The following PTPRJ variants were observed in gnomAD, a reference collection of about 807,000 sequenced individuals.
The protein encoded by PTPRJ is protein tyrosine phosphatase receptor type J, also known as receptor-type tyrosine-protein phosphatase eta.
PTPRJ carries 129 observed loss-of-function variants against 141.3 expected under a neutral mutation model. The ratio of observed to expected loss-of-function variants is 0.91; its 90% CI spans 0.79 to 1.06. The LOEUF is 1.06. Ranked by LOEUF, PTPRJ falls within the 50% of genes least tolerant of loss-of-function variation. PTPRJ has a pLI of 0.00. For synonymous variants in PTPRJ, 610 were observed against 640.5 expected (o/e 0.95, Z 0.72); for missense variants, 1,601 against 1,679.7 (o/e 0.95, Z 0.82).
chr11:48,035,006 C>T (rs535592283), intron 1 of PTPRJ, among the ~76,000 whole-genome samples: 9 of 152,314 alleles, frequency 5.9e-5, no homozygotes, highest in Non-Finnish European at 1.2e-4. Context: ...AGGAGTGGAG[C>T]CAGAATTCAA....
chr11:48,077,420 T>C (rs1418538335), intron 1 of PTPRJ, among the ~76,000 whole-genome samples: 1 of 152,120 alleles, frequency 6.6e-6, no homozygotes, highest in East Asian at 1.9e-4. Flanking sequence ...CATGGACCCT[T>C]TGATGCTCTT....
In PTPRJ at chr11:48,123,882, A is replaced by AG; in HGVS notation, c.874+15dup. 6.2e-7 allele frequency: 1 copy of AG among 1,611,682 alleles called. No individual in the cohort carries two copies. The highest frequency in any genetic ancestry group is 8.5e-7 in the Non-Finnish European group (1 of 1,178,264). Reference sequence around the variant, plus strand: ...AGAAGGTGGCTTGGGTGAGTTACAAAGGGTACCTTCCGTCTCCCTTACTGG... The same window carrying AG: ...AGAAGGTGGCTTGGGTGAGTTACAAAGGGGTACCTTCCGTCTCCCTTACTGG... On this transcript the variant is annotated intron_variant, in intron 5 of 24. Transcript: ENST00000418331.
chr11:48,053,734 G>T (rs1395059122), intron 1 of PTPRJ, among the ~76,000 whole-genome samples: 2 of 149,740 alleles, frequency 1.3e-5, no homozygotes, highest in Admixed American at 1.4e-4. Context: ...GTGCCACCAT[G>T]CCTGGATAAT....
At chr11:48,026,544 C>T (rs988889586) in intron 1 of PTPRJ, among the ~76,000 whole-genome samples, 3 of 150,770 alleles carry the variant, frequency 2.0e-5, no homozygotes, top group East Asian at 1.9e-4. Context: ...TGCAATGGTG[C>T]GATCTTGGCT....
chr11:48,095,639 G>T (rs1464956507), intron 1 of PTPRJ, among the ~76,000 whole-genome samples: 1 of 151,074 alleles, frequency 6.6e-6, no homozygotes, highest in Non-Finnish European at 1.5e-5. Flanking sequence ...GAGTGCAGTG[G>T]CATGATCTCA....
chr11:48,040,609 C>CTTTTTTTTTTTTTT (rs371103069), intron 1 of PTPRJ, among the ~76,000 whole-genome samples: 1 of 146,042 alleles, frequency 6.8e-6, no homozygotes, highest in African/African-American at 2.7e-5. Context: ...TCTTCTTCTT[C>CTTTTTTTTTTTTTT]TTCTTTTTTT....
intron 1 of PTPRJ, among the ~76,000 whole-genome samples, chr11:48,013,949 C>G (rs899097689): frequency 1.3e-5 from 2 of 152,148 alleles, no homozygotes; most frequent in Admixed American, 6.6e-5. Context: ...TTGGGCAGAG[C>G]AGGTGGGTTC....
intron 1 of PTPRJ, among the ~76,000 whole-genome samples, chr11:48,024,010 T>C (rs1853735688): frequency 6.6e-6 from 1 of 151,554 alleles, no homozygotes; most frequent in Non-Finnish European, 1.5e-5. Flanking sequence ...TAAAAATATA[T>C]ATAAAAAAAG....
At chr11:48,054,979 G>A (rs531912966) in intron 1 of PTPRJ, among the ~76,000 whole-genome samples, 2 of 152,080 alleles carry the variant, frequency 1.3e-5, no homozygotes, top group South Asian at 4.1e-4. Context: ...GAGTCTAGGA[G>A]TTCAAGACCA....
At chr11:48,018,412 G>C (rs1011846133) in intron 1 of PTPRJ, among the ~76,000 whole-genome samples, 10 of 152,182 alleles carry the variant, frequency 6.6e-5, no homozygotes, top group Non-Finnish European at 1.3e-4. Flanking sequence ...GCTGTGAGTG[G>C]TGTGAAGCCC....
chr11:48,057,413 TA>T (rs1360903666), intron 1 of PTPRJ, among the ~76,000 whole-genome samples: 2 of 152,194 alleles, frequency 1.3e-5, no homozygotes, highest in African/African-American at 4.8e-5. Context: ...GAGATGAGAA[TA>T]TCACCTTTAC....
intron 9 of PTPRJ, 46 bp from the exon 10 acceptor site, chr11:48,136,957 A>G (rs372800437): frequency 4.7e-6 from 7 of 1,498,222 alleles, no homozygotes; most frequent in East Asian, 4.5e-5. Flanking sequence ...CTGGAATTCT[A>G]CTTAATCTGT....
At chr11:48,046,257 A>C (rs909631455) in intron 1 of PTPRJ, 1 of 152,090 alleles carries the variant, frequency 6.6e-6, no homozygotes, top group Non-Finnish European at 1.5e-5. Flanking sequence ...CATGTTGCCC[A>C]TGCTGGTCTT....
At chr11:48,005,520 A>T (rs1395412522) in intron 1 of PTPRJ, among the ~76,000 whole-genome samples, 1 of 152,256 alleles carries the variant, frequency 6.6e-6, no homozygotes, top group Non-Finnish European at 1.5e-5. Context: ...TGGAGCAGGT[A>T]TCACTGCTTT....
intron 1 of PTPRJ, among the ~76,000 whole-genome samples, chr11:48,055,735 C>T (rs989882546): frequency 5.9e-5 from 9 of 152,248 alleles, no homozygotes; most frequent in Non-Finnish European, 1.3e-4. Flanking sequence ...AAGTTGGGTC[C>T]AGAAAAGGCC....
chr11:48,167,117 G>A lies in PTPRJ; in HGVS notation c.3856-87G>A, dbSNP rs1590577095. 6.9e-6 allele frequency: 9 copies of A among 1,304,668 alleles called. No homozygotes were observed. In the East Asian group the frequency reaches 2.1e-4, roughly 30 times the overall value. The allele number at this position is 1,304,668 out of a possible 1,614,324, so 80.8% of individuals were successfully genotyped here. On this transcript the variant is annotated intron_variant, in intron 24 of 24. Transcript: ENST00000418331. ...TGGATGGGGTTTGGGAGTTGGGCGG[G>A]GGAATGACCTGTTTGAAAATAATTT...
intron 1 of PTPRJ, among the ~76,000 whole-genome samples, chr11:48,056,454 C>A (rs1854753527): frequency 6.6e-6 from 1 of 152,108 alleles, no homozygotes; most frequent in African/African-American, 2.4e-5. Context: ...GTATACAGTT[C>A]TTGTCACAAT....
At chr11:48,135,476 CTTTTTTTTT>C (rs34709299) in intron 8 of PTPRJ, among the ~76,000 whole-genome samples, 6 of 58,218 alleles carry the variant, frequency 1.0e-4, no homozygotes, top group African/African-American at 4.2e-4. Flanking sequence ...CGCGCCTGGC[CTTTTTTTTT>C]TTTTTTTTTT....
At position 48,021,413 on chromosome 11, in the gene PTPRJ, AAAT is replaced by A. The variant is rs1192024533; in HGVS notation, c.96+40408_96+40410del. ...TAAATAAATAAATAAATAAATAAATAAATAAATAAAATAAAATAAAATAAATAA... is the reference window on the plus strand; with the variant it reads ...TAAATAAATAAATAAATAAATAAATAAAATAAAATAAAATAAAATAAATAA... On this transcript the variant is annotated intron_variant, in intron 1 of 24. Coordinates refer to ENST00000418331, the MANE Select transcript of PTPRJ (RefSeq NM_002843.4). Among the ~76,000 whole-genome samples the A allele has an allele frequency of 6.7e-3, 713 of 106,724 alleles. 3 individuals carry two copies. The highest frequency in any genetic ancestry group is 9.4e-3 in the Middle Eastern group (2 of 212). 70.0% of individuals were successfully genotyped at this position (106,724 alleles called of 152,430 possible). A position where few individuals can be genotyped will look rare whatever the true frequency, so the allele number is the denominator to read the frequency against.
Sources: allele counts gnomAD v4.1 joint callset (sites outside exome capture counted in the v4.1 genomes callset), GRCh38; gene constraint gnomAD v4.1.1; transcripts MANE v1.5; gene names NCBI Gene and HGNC (gene_info 2026-07-23, HGNC 2026-07-21).